The following FRMD4A variants were observed in gnomAD, a reference collection of about 807,000 sequenced individuals.
FRMD4A encodes the protein FERM domain-containing protein 4A.
Under a neutral mutation model 129.1 loss-of-function variants are expected in FRMD4A, and 29 were observed. The observed-to-expected ratio is 0.22, with a 90% CI of 0.17 to 0.31. FRMD4A has a LOEUF of 0.31. FRMD4A is among the 10% of genes least tolerant of loss of function. The pLI is 1.00. For missense variants in FRMD4A, 1,272 were observed against 1,375.8 expected (o/e 0.92, Z 1.19); for synonymous variants, 634 against 571.6 (o/e 1.11, Z -1.56).
chr10:13,687,304 A>AAATG (rs1478182166), intron 15 of FRMD4A, among the ~76,000 whole-genome samples: 10 of 152,140 alleles, frequency 6.6e-5, no homozygotes, highest in Non-Finnish European at 1.3e-4. Flanking sequence ...TCAAAAAACA[A>AAATG]AATGAATGAA....
chr10:13,847,499 G>A (rs557010077), intron 3 of FRMD4A, among the ~76,000 whole-genome samples: 10 of 152,138 alleles, frequency 6.6e-5, no homozygotes, highest in South Asian at 4.1e-4. Context: ...GGGCTCGCTC[G>A]CTCCCTCCCT....
At chr10:13,778,459 G>T (rs1293186793) in intron 6 of FRMD4A, among the ~76,000 whole-genome samples, 2 of 152,048 alleles carry the variant, frequency 1.3e-5, no homozygotes, top group Non-Finnish European at 2.9e-5. Flanking sequence ...CCCAAAATGA[G>T]GTCTTTTCAC....
intron 2 of FRMD4A, among the ~76,000 whole-genome samples, chr10:13,875,414 T>C (rs1379062297): frequency 2.0e-5 from 3 of 152,090 alleles, no homozygotes; most frequent in African/African-American, 4.8e-5. Context: ...TTCCCCCCAG[T>C]GATTTGTAAA....
At chr10:14,069,325 G>T (rs571650802) in intron 2 of FRMD4A, among the ~76,000 whole-genome samples, 29 of 152,282 alleles carry the variant, frequency 1.9e-4, no homozygotes, top group Non-Finnish European at 3.2e-4. Context: ...GACCATCTCT[G>T]TCAACACAAT....
intron 2 of FRMD4A, among the ~76,000 whole-genome samples, chr10:14,263,374 C>T (rs1484254893): frequency 2.0e-5 from 3 of 152,170 alleles, no homozygotes; most frequent in African/African-American, 7.2e-5. Flanking sequence ...AGGCTGCCGG[C>T]CAGACATGCT....
chr10:14,272,748 G>A (rs1159775885), intron 2 of FRMD4A, among the ~76,000 whole-genome samples: 2 of 152,170 alleles, frequency 1.3e-5, no homozygotes, highest in Non-Finnish European at 2.9e-5. Flanking sequence ...TTCTCTGGCT[G>A]ACTTTCCTTG....
At chr10:14,170,579 G>C (rs1841424484) in intron 2 of FRMD4A, among the ~76,000 whole-genome samples, 1 of 152,122 alleles carries the variant, frequency 6.6e-6, no homozygotes, top group Non-Finnish European at 1.5e-5. Context: ...ACTGAGAGCA[G>C]GTGTTAAAGG....
At chr10:14,070,942 T>C (rs76326452) in intron 2 of FRMD4A, among the ~76,000 whole-genome samples, 1,723 of 152,310 alleles carry the variant, frequency 0.011, 39 homozygotes, top group African/African-American at 0.039. Context: ...CAGGACACAA[T>C]TGATGCATCC....
intron 8 of FRMD4A, among the ~76,000 whole-genome samples, chr10:13,753,541 ATTTTTTTTTTT>A (rs35813128): frequency 8.7e-6 from 1 of 115,308 alleles, no homozygotes; most frequent in Non-Finnish European, 1.7e-5. Context: ...GTACCTTTCT[ATTTTTTTTTTT>A]TTTTTTTTTT....
Position 13,661,848 on chromosome 10 carries a change from C to T in FRMD4A, c.1661-1295G>A, listed in dbSNP as rs541257251. ...ACTACCATTCACTTGCCCCTAAATC[C>T]ATTTCCAGCGACTTGTTTCACAGCC... On this transcript the variant is annotated intron_variant, in intron 19 of 24. Transcript: ENST00000357447. 3.3e-5 allele frequency among the ~76,000 whole-genome samples: 5 copies of T among 152,230 alleles called. 1 individual carries two copies. The East Asian group carries it at 9.6e-4, about 29-fold the overall frequency.
At chr10:13,962,550 G>A (rs1307094811) in intron 2 of FRMD4A, among the ~76,000 whole-genome samples, 4 of 152,040 alleles carry the variant, frequency 2.6e-5, no homozygotes, top group Non-Finnish European at 4.4e-5. Flanking sequence ...TTTTTCAAGG[G>A]AATAGCAGAG....
chr10:13,843,709 G>C (rs1289795890), intron 3 of FRMD4A, among the ~76,000 whole-genome samples: 1 of 152,164 alleles, frequency 6.6e-6, no homozygotes, highest in Non-Finnish European at 1.5e-5. Flanking sequence ...TGTTGGCCAG[G>C]CTGGTCTCGA....
intron 2 of FRMD4A, among the ~76,000 whole-genome samples, chr10:13,969,073 T>G (rs1465127551): frequency 6.6e-6 from 1 of 152,170 alleles, no homozygotes; most frequent in Non-Finnish European, 1.5e-5. Context: ...GGGTTGGTAA[T>G]CTTGGACCTC....
chr10:13,646,653 C>G lies in FRMD4A; in HGVS notation c.*385G>C, dbSNP rs1369150616. 6.5e-6 allele frequency: 1 copy of G among 152,698 alleles called. No individual in the cohort carries two copies. The highest frequency in any genetic ancestry group is 1.5e-5 in the Non-Finnish European group (1 of 68,172). The allele number at this position is 152,698 out of a possible 1,614,324, so 9.5% of individuals were successfully genotyped here. On this transcript the variant is annotated 3_prime_UTR_variant, in exon 25 of 25. Coordinates refer to ENST00000357447, the MANE Select transcript of FRMD4A (RefSeq NM_018027.5). The stretch of plus-strand genomic sequence containing the variant: ...GCTGGCCCCCCTGATGGTTCCTGGC[C>G]TAGGGGCTGTCATGGCAGAGGGAAG...
At chr10:13,900,973 G>C (rs1216560317) in intron 2 of FRMD4A, among the ~76,000 whole-genome samples, 2 of 152,226 alleles carry the variant, frequency 1.3e-5, no homozygotes, top group African/African-American at 2.4e-5. Flanking sequence ...TACTGATTAT[G>C]TGATTTACGT....
chr10:14,085,330 G>C (rs538358176), intron 2 of FRMD4A, among the ~76,000 whole-genome samples: 2 of 152,168 alleles, frequency 1.3e-5, no homozygotes, highest in Non-Finnish European at 2.9e-5. Flanking sequence ...CGGCAGATGC[G>C]CACCTCACGT....
Position 14,217,528 on chromosome 10 carries a change from C to T in FRMD4A, c.45+112530G>A, listed in dbSNP as rs757901961. ...TGCCATGATTGTCAGGCCTCCCCAG[C>T]GATGTGGAACTGTGAGTCCACTAAA... is the stretch of plus-strand genomic sequence containing the variant. On this transcript the variant is annotated intron_variant, in intron 2 of 24. Transcript: ENST00000357447. 5.3e-5 allele frequency among the ~76,000 whole-genome samples: 8 copies of T among 152,312 alleles called. No individual in the cohort carries two copies. The South Asian group carries it at 8.3e-4, about 16-fold the overall frequency.
chr10:14,106,396 T>G lies in FRMD4A; in HGVS notation c.45+223662A>C, dbSNP rs1837588514. ...TGGTTCTTTTTAGTGGGAAATAGTA[T>G]CTAGATCCATCACTGGTGAGTGAGG... On this transcript the variant is annotated intron_variant, in intron 2 of 24. Transcript: ENST00000357447. 6.6e-5 allele frequency among the ~76,000 whole-genome samples: 10 copies of G among 152,328 alleles called. No individual in the cohort carries two copies. The South Asian group carries it at 1.9e-3, about 28-fold the overall frequency.
At chr10:14,233,385 C>A (rs1043915568) in intron 2 of FRMD4A, among the ~76,000 whole-genome samples, 2 of 147,646 alleles carry the variant, frequency 1.4e-5, no homozygotes, top group Non-Finnish European at 3.0e-5. Flanking sequence ...GCCTGGCCAA[C>A]ATGGTGAAAC....
Sources: gnomAD v4.1 joint callset for allele counts (sites outside exome capture counted in the v4.1 genomes callset) on GRCh38, gnomAD v4.1.1 for gene constraint, MANE v1.5 for transcripts, NCBI Gene and HGNC (gene_info 2026-07-23, HGNC 2026-07-21) for gene names.